The following U2AF2 variants were observed in gnomAD, a reference collection of about 807,000 sequenced individuals.
The protein encoded by U2AF2 is splicing factor U2AF 65 kDa subunit.
A neutral mutation model predicts 52.6 loss-of-function variants in U2AF2; 6 were observed. That is an observed-to-expected ratio of 0.11 (90% CI 0.06 to 0.23). The LOEUF (loss-of-function observed/expected upper bound fraction) is 0.23. U2AF2 is among the 10% of genes least tolerant of loss of function. U2AF2 has a pLI of 1.00. For missense variants in U2AF2, 222 were observed against 677.1 expected, an observed-to-expected ratio of 0.33 and a Z score of 7.46; for synonymous variants, 284 against 258.2, an observed-to-expected ratio of 1.10 and a Z score of -0.96.
intron 6 of U2AF2, among the ~76,000 whole-genome samples, chr19:55,662,906 G>T (rs1984308081): frequency 6.6e-6 from 1 of 152,050 alleles, no homozygotes; most frequent in African/African-American, 2.4e-5. Flanking sequence ...TGGCCACACT[G>T]ACCTTCCCAG....
At chr19:55,663,533 C>G in intron 6 of U2AF2, 73 bp from the exon 7 acceptor site, 2 of 1,542,916 alleles carry the variant, frequency 1.3e-6, no homozygotes, top group South Asian at 1.3e-5. Context: ...AGAGGAAATC[C>G]CAATCCTGGA....
rs901049385 is a variant in U2AF2 at position 55,659,480 on chromosome 19, G to A, written c.185+135G>A. 8 of 1,183,344 alleles carry A rather than the reference G, an allele frequency of 6.8e-6. No homozygotes were observed. The South Asian group carries it at 1.7e-4, about 25-fold the overall frequency. 73.3% of individuals were successfully genotyped at this position (1,183,344 alleles called of 1,614,324 possible). ...CTCGTTCGTTCTTTGTGTGGATCTG[G>A]GGGAGGGATCTACTGCTTGGTCTGT... On this transcript the variant is annotated intron_variant, in intron 2 of 11. Coordinates refer to ENST00000308924, the MANE Select transcript of U2AF2 (RefSeq NM_007279.3).
At chr19:55,666,690 A>G (rs527817566) in intron 7 of U2AF2, among the ~76,000 whole-genome samples, 1 of 152,354 alleles carries the variant, frequency 6.6e-6, no homozygotes, top group Admixed American at 6.5e-5. Flanking sequence ...TTGGAGGCTC[A>G]TATGGTACAA....
intron 7 of U2AF2, chr19:55,663,984 G>A (rs1984383501): frequency 3.7e-6 from 2 of 534,676 alleles, no homozygotes; most frequent in Non-Finnish European, 6.4e-6. Flanking sequence ...GTACGTGGCA[G>A]AGCCAGGATC....
chr19:55,665,108 T>C (rs1279991866), intron 7 of U2AF2, among the ~76,000 whole-genome samples: 1 of 152,212 alleles, frequency 6.6e-6, no homozygotes, highest in African/African-American at 2.4e-5. Context: ...ACATGGACTT[T>C]TTACGTATGG....
intron 10 of U2AF2, 70 bp from the exon 11 acceptor site, chr19:55,669,374 G>C (rs1984739408): frequency 1.3e-6 from 2 of 1,552,390 alleles, no homozygotes; most frequent in Non-Finnish European, 1.7e-6. Flanking sequence ...CATGTGAGGG[G>C]CCTAGGCTTG....
chr19:55,663,385 T>C (rs1305803335), intron 6 of U2AF2, among the ~76,000 whole-genome samples: 1 of 152,204 alleles, frequency 6.6e-6, no homozygotes, highest in Non-Finnish European at 1.5e-5. Flanking sequence ...TGTGTTTGCC[T>C]CTGTGTTTGT....
chr19:55,659,180 T>TA, intron 1 of U2AF2, 30 bp from the exon 2 acceptor site: 1 of 1,518,342 alleles, frequency 6.6e-7, no homozygotes, highest in Non-Finnish European at 8.9e-7. Flanking sequence ...ACTCCGCTTA[T>TA]CCCGTGCCCC....
intron 7 of U2AF2, among the ~76,000 whole-genome samples, chr19:55,665,321 C>T (rs941622786): frequency 4.1e-5 from 6 of 144,766 alleles, no homozygotes; most frequent in East Asian, 2.1e-4. Flanking sequence ...CCTCCATGGA[C>T]GGCAGTTCTA....
Position 55,673,987 on chromosome 19 carries a change from G to C in U2AF2, c.1347G>C (p.Leu449=). ...VFDCQKAMQG[L]TGRKFANRVV... ...ACTGCCAGAAAGCCATGCAGGGCCTGACGGGCCGCAAGTTCGCCAACAGAG... is the reference window on the plus strand; with the variant it reads ...ACTGCCAGAAAGCCATGCAGGGCCTCACGGGCCGCAAGTTCGCCAACAGAG... Residue 449 remains leucine (L), a synonymous_variant, in exon 12 of 12, where the codon CTG becomes CTC. Transcript: ENST00000308924. 1 of 1,614,008 alleles carries C rather than the reference G, an allele frequency of 6.2e-7. No homozygotes were observed.
chr19:55,661,499 GACACACACACACACACAC>G (rs59262812), intron 5 of U2AF2, among the ~76,000 whole-genome samples: 10,938 of 145,164 alleles, frequency 0.075, 410 homozygotes, highest in African/African-American at 0.099. Flanking sequence ...GGGAGACTTG[GACACACACACACACACAC>G]ACACACACAC....
intron 1 of U2AF2, among the ~76,000 whole-genome samples, chr19:55,657,034 A>G (rs548771135): frequency 6.6e-6 from 1 of 152,358 alleles, no homozygotes; most frequent in East Asian, 1.9e-4. Context: ...TTTGTTGTTC[A>G]TAAGCAGAAA....
At chr19:55,665,566 C>T (rs1331867472) in intron 7 of U2AF2, among the ~76,000 whole-genome samples, 2 of 151,876 alleles carry the variant, frequency 1.3e-5, no homozygotes, top group African/African-American at 2.4e-5. Context: ...TCCTAAGTGC[C>T]CTCCATGCAC....
rs1269446296 is a variant in U2AF2 at position 55,668,414 on chromosome 19, C to T, written c.743-93C>T. On this transcript the variant is annotated intron_variant, in intron 7 of 11. Coordinates refer to ENST00000308924, the MANE Select transcript of U2AF2 (RefSeq NM_007279.3). The surrounding 1 kb of genome is among the most constrained non-coding windows in gnomAD (Gnocchi z 5.5). ...CTCGTCAGATCAGGCAGGAAGTGTT[C>T]TCTTTGGCAATTGAGGAGCTCGCCG... The T allele has an allele frequency of 1.2e-5, 15 of 1,281,334 alleles. No homozygotes were observed. The allele number at this position is 1,281,334 out of a possible 1,614,324, so 79.4% of individuals were successfully genotyped here.
At position 55,674,407 on chromosome 19, in the gene U2AF2, A is replaced by C; in HGVS notation, c.*339A>C. ...AAAACAGCCTCTCCTTCTCCCATAG[A>C]CCCCTTTCTTCTCCCCTTCCCCACG... On this transcript the variant is annotated 3_prime_UTR_variant, in exon 12 of 12. Coordinates refer to ENST00000308924, the MANE Select transcript of U2AF2 (RefSeq NM_007279.3). The C allele has an allele frequency of 4.2e-6, 1 of 237,066 alleles. No homozygotes were observed. Among genetic ancestry groups the C allele is most frequent in the Non-Finnish European group, 8.5e-6 (1 of 118,340 alleles). 14.7% of individuals were successfully genotyped at this position (237,066 alleles called of 1,614,324 possible).
intron 7 of U2AF2, among the ~76,000 whole-genome samples, chr19:55,666,111 G>C (rs1194441739): frequency 6.6e-6 from 1 of 152,208 alleles, no homozygotes; most frequent in African/African-American, 2.4e-5. Flanking sequence ...TTCTGAAGGT[G>C]ATGGGGTGCT....
At position 55,674,285 on chromosome 19, in the gene U2AF2, C is replaced by T. The variant is rs192395170; in HGVS notation, c.*217C>T. On this transcript the variant is annotated 3_prime_UTR_variant, in exon 12 of 12. Coordinates refer to ENST00000308924, the MANE Select transcript of U2AF2 (RefSeq NM_007279.3). ...GGGGACTGGGGAAGTGCGCACACAG[C>T]CCACACAGACAACACGCACCCACAC... 4.1e-5 allele frequency: 22 copies of T among 539,106 alleles called. 1 individual carries two copies. In the Admixed American group the frequency reaches 7.3e-4, roughly 18 times the overall value. The allele number at this position is 539,106 out of a possible 1,614,324, so 33.4% of individuals were successfully genotyped here. A position where few individuals can be genotyped will look rare whatever the true frequency, so the allele number is the denominator to read the frequency against.
At chr19:55,660,756 C>G in intron 4 of U2AF2, 137 bp downstream of exon 4, 2 of 934,116 alleles carry the variant, frequency 2.1e-6, no homozygotes, top group South Asian at 3.6e-5. Context: ...GGGTTCTGGT[C>G]TCTGCGCTTT....
chr19:55,669,264 C>G, intron 10 of U2AF2, 83 bp downstream of exon 10: 2 of 1,568,738 alleles, frequency 1.3e-6, no homozygotes, highest in Non-Finnish European at 1.7e-6. Flanking sequence ...GATCTTTCTC[C>G]CAGCTTTCAT....
Sources: allele counts gnomAD v4.1 joint callset (sites outside exome capture counted in the v4.1 genomes callset), GRCh38; gene constraint gnomAD v4.1.1; non-coding constraint Gnocchi (gnomAD v3.1); transcripts MANE v1.5; gene names NCBI Gene and HGNC (gene_info 2026-07-23, HGNC 2026-07-21).